PCDHA12: variants seen among roughly 807,000 people sequenced by gnomAD.
PCDHA12 encodes protocadherin alpha 12.
A neutral mutation model predicts 60.0 loss-of-function variants in PCDHA12; 44 were observed. The observed-to-expected ratio is 0.73, with a 90% CI of 0.58 to 0.94. The LOEUF (loss-of-function observed/expected upper bound fraction) is 0.94. Among genes scored for constraint, PCDHA12 ranks in the 40% least tolerant of loss-of-function variants. The pLI is 0.00. For synonymous variants in PCDHA12, 569 were observed against 553.0 expected, an observed-to-expected ratio of 1.03 and a Z score of -0.40; for missense variants, 1,276 against 1,239.7, an observed-to-expected ratio of 1.03 and a Z score of -0.44.
At chr5:140,981,186 T>G (rs1307228709) in intron 2 of PCDHA12, among the ~76,000 whole-genome samples, 1 of 152,234 alleles carries the variant, frequency 6.6e-6, no homozygotes, top group Non-Finnish European at 1.5e-5. Flanking sequence ...AGTTCAAGTT[T>G]GCCTGCTCTG....
At chr5:140,935,564 T>A (rs1554210560) in intron 1 of PCDHA12, among the ~76,000 whole-genome samples, 1 of 152,236 alleles carries the variant, frequency 6.6e-6, no homozygotes, top group Non-Finnish European at 1.5e-5. Context: ...GAAAAGTTCC[T>A]CTCTGTGTAG....
chr5:140,926,919 A>G, intron 1 of PCDHA12: 9 of 1,566,668 alleles, frequency 5.7e-6, no homozygotes, highest in Non-Finnish European at 7.8e-6. Flanking sequence ...TGGCAGTTTT[A>G]TGTTTGTGGG....
At chr5:140,945,164 T>C (rs246060) in intron 1 of PCDHA12, among the ~76,000 whole-genome samples, 85,686 of 151,808 alleles carry the variant, frequency 0.56, 24,785 homozygotes, top group African/African-American at 0.69. Flanking sequence ...TATTGAACTA[T>C]CTGAAAAATA....
At chr5:140,964,015 A>G (rs1466689123) in intron 1 of PCDHA12, among the ~76,000 whole-genome samples, 1 of 152,178 alleles carries the variant, frequency 6.6e-6, no homozygotes. Context: ...TTTAATAGAG[A>G]GCTCTTGAAG....
rs149287754 is a variant in PCDHA12, at chr5:140,962,549, G to T, written c.2368-16400G>T. Reference sequence around the variant, plus strand: ...GTTTTTTAGAACTAAAAATGTAGAGGATCTCCCCCTAAAAGCCAATTGTTA... The same window carrying T: ...GTTTTTTAGAACTAAAAATGTAGAGTATCTCCCCCTAAAAGCCAATTGTTA... On this transcript the variant is annotated intron_variant, in intron 1 of 3. Coordinates refer to ENST00000398631, the MANE Select transcript of PCDHA12 (RefSeq NM_018903.4). 1.3e-3 allele frequency among the ~76,000 whole-genome samples: 202 copies of T among 152,208 alleles called. 3 individuals carry two copies. The highest frequency in any genetic ancestry group is 4.3e-4 in the Non-Finnish European group (29 of 68,014).
At chr5:140,884,493 C>G (rs782633321) in intron 1 of PCDHA12, 4 of 1,613,920 alleles carry the variant, frequency 2.5e-6, no homozygotes, top group South Asian at 1.1e-5. Context: ...CTAGTGTGCT[C>G]CAGCGCGGCA....
intron 1 of PCDHA12, chr5:140,967,716 T>C: frequency 1.2e-6 from 2 of 1,613,914 alleles, no homozygotes; most frequent in Non-Finnish European, 1.7e-6. Context: ...ACCGGGGAAG[T>C]GCGAGTAATT....
At chr5:140,992,949 T>G (rs1554253294) in intron 3 of PCDHA12, among the ~76,000 whole-genome samples, 1 of 152,162 alleles carries the variant, frequency 6.6e-6, no homozygotes, top group Admixed American at 6.5e-5. Context: ...GGAGATTAAA[T>G]CACCCCTTAT....
At chr5:140,940,599 C>T (rs1356432549) in intron 1 of PCDHA12, among the ~76,000 whole-genome samples, 2 of 151,918 alleles carry the variant, frequency 1.3e-5, no homozygotes, top group African/African-American at 4.8e-5. Context: ...AGGCATGAGC[C>T]GCTGCTCCTG....
At chr5:140,969,374 G>A (rs1554231740) in intron 1 of PCDHA12, 1 of 1,606,076 alleles carries the variant, frequency 6.2e-7, no homozygotes, top group South Asian at 1.1e-5. Flanking sequence ...TCATGCATTT[G>A]TTACACATCC....
chr5:140,966,786 G>A (rs1554228650), intron 1 of PCDHA12: 2 of 1,526,000 alleles, frequency 1.3e-6, no homozygotes, highest in Admixed American at 1.9e-5. Context: ...GCGGGCACCA[G>A]ACCTGCGGCG....
chr5:140,965,976 G>A (rs2095953776), intron 1 of PCDHA12, among the ~76,000 whole-genome samples: 1 of 152,154 alleles, frequency 6.6e-6, no homozygotes, highest in Non-Finnish European at 1.5e-5. Context: ...CCTAGGAGTT[G>A]AGCACTTTCT....
rs373714901 is a variant in PCDHA12, at chr5:140,898,150, G to T, written c.2367+20311G>T. 6.9e-3 allele frequency among the ~76,000 whole-genome samples: 1,047 copies of T among 152,166 alleles called. 8 individuals are homozygous for T. The highest frequency in any genetic ancestry group is 0.024 in the African/African-American group (1,013 of 41,482). ...CCCATTTTGTAGGTTGCCTGTTCAC[G>T]CTGATGGTGGTTTCTTTTGCTGTGC... On this transcript the variant is annotated intron_variant, in intron 1 of 3. Transcript: ENST00000398631.
intron 1 of PCDHA12, among the ~76,000 whole-genome samples, chr5:140,885,118 C>CT (rs782576516): frequency 6.6e-6 from 1 of 152,022 alleles, no homozygotes; most frequent in Non-Finnish European, 1.5e-5. Context: ...TTTAAGTGCA[C>CT]TTTTCTTTCT....
chr5:140,875,342 A>G lies in PCDHA12; in HGVS notation c.-131A>G. 1 of 1,443,152 alleles carries G rather than the reference A, an allele frequency of 6.9e-7. No individual in the cohort carries two copies. Among genetic ancestry groups the G allele is most frequent in the South Asian group, 1.5e-5 (1 of 66,164 alleles). The allele number at this position is 1,443,152 out of a possible 1,614,324, so 89.4% of individuals were successfully genotyped here. A position where few individuals can be genotyped will look rare whatever the true frequency, so the allele number is the denominator to read the frequency against. ...TCATTCACGGAATAGGATCGACTCC[A>G]TAATGACTGTGATGCTGGAAAAAAT... On this transcript the variant is annotated 5_prime_UTR_variant, in exon 1 of 4. Coordinates refer to ENST00000398631, the MANE Select transcript of PCDHA12 (RefSeq NM_018903.4).
intron 1 of PCDHA12, among the ~76,000 whole-genome samples, chr5:140,906,640 G>A (rs1465278194): frequency 6.6e-6 from 1 of 152,210 alleles, no homozygotes; most frequent in African/African-American, 2.4e-5. Context: ...ACCTCAGCAG[G>A]TAGTGGTTTT....
At chr5:140,894,140 C>T (rs1004427236) in intron 1 of PCDHA12, among the ~76,000 whole-genome samples, 2 of 151,956 alleles carry the variant, frequency 1.3e-5, no homozygotes, top group Admixed American at 6.6e-5. Context: ...GAAATAATTC[C>T]CTTCTATGTA....
chr5:140,929,020 A>C (rs1183262810), intron 1 of PCDHA12: 6 of 1,614,070 alleles, frequency 3.7e-6, no homozygotes, highest in Non-Finnish European at 5.1e-6. Flanking sequence ...GTTGCACCAG[A>C]GCCCAGGCTG....
At chr5:140,886,257 T>C (rs1391638514) in intron 1 of PCDHA12, among the ~76,000 whole-genome samples, 38 of 152,026 alleles carry the variant, frequency 2.5e-4, no homozygotes, top group Admixed American at 2.5e-3. Context: ...AGTATCTCTA[T>C]TTATAGATAA....
Sources: allele counts gnomAD v4.1 joint callset (sites outside exome capture counted in the v4.1 genomes callset), GRCh38; gene constraint gnomAD v4.1.1; transcripts MANE v1.5; gene names NCBI Gene and HGNC (gene_info 2026-07-23, HGNC 2026-07-21).